Variants in POLQ observed in about 807,000 individuals in gnomAD.
POLQ encodes the protein epididymis secretory sperm binding protein.
A neutral mutation model predicts 259.2 loss-of-function variants in POLQ; 233 were observed. That is an observed-to-expected ratio of 0.90 (90% CI 0.81 to 1.00). POLQ has a LOEUF of 1.00. Among genes scored for constraint, POLQ ranks in the 50% least tolerant of loss-of-function variants. POLQ has a pLI of 0.00. For synonymous variants in POLQ, 1,025 were observed against 1,048.8 expected (o/e 0.98, Z 0.44); for missense variants, 2,871 against 3,051.6 (o/e 0.94, Z 1.39).
chr3:121,441,864 CTG>C (rs2047595259), intron 26 of POLQ, among the ~76,000 whole-genome samples: 2 of 152,282 alleles, frequency 1.3e-5, no homozygotes, highest in East Asian at 1.9e-4. Flanking sequence ...ACGTAAAAGA[CTG>C]TGTTTTTAAT....
At position 121,529,772 on chromosome 3, in the gene POLQ, A is replaced by G; in HGVS notation, c.981T>C (p.Val327=). ...CACAAATCGTCTCATAACATAAACTAACAACATGGTCCTCATCTCCCTAAA... is the reference window on the plus strand; with the variant it reads ...CACAAATCGTCTCATAACATAAACTGACAACATGGTCCTCATCTCCCTAAA... ...LQVKGDEDHV[V]SLCYETICDN... is the part of the protein sequence containing the mutation. Residue 327 remains valine (V), a synonymous_variant, in exon 7 of 30, where the codon GTT becomes GTC. Transcript: ENST00000264233. 1 of 1,611,724 alleles carries G rather than the reference A, an allele frequency of 6.2e-7. No homozygotes were observed. Among genetic ancestry groups the G allele is most frequent in the Non-Finnish European group, 8.5e-7 (1 of 1,178,834 alleles).
Position 121,493,633 on chromosome 3 carries a change from G to A in POLQ, c.2367C>T (p.Ile789=). The change falls in exon 15 of 30, where the codon ATC becomes ATT. Residue 789 remains isoleucine (I), a synonymous_variant. Coordinates refer to ENST00000264233, the MANE Select transcript of POLQ (RefSeq NM_199420.4). Reference sequence around the variant, plus strand: ...GAACCAGGTCACACAGCTCCCTCTGGATGCCAAACGTAAGACGCTTCTGAA... The same window carrying A: ...GAACCAGGTCACACAGCTCCCTCTGAATGCCAAACGTAAGACGCTTCTGAA... ...SQFQKRLTFG[I]QRELCDLVRV... is the part of the protein sequence containing the mutation. The A allele has an allele frequency of 1.2e-6, 2 of 1,614,092 alleles. No individual in the cohort carries two copies. The highest frequency in any genetic ancestry group is 1.7e-6 in the Non-Finnish European group (2 of 1,179,978).
intron 20 of POLQ, among the ~76,000 whole-genome samples, chr3:121,475,620 T>G (rs2047919020): frequency 6.6e-6 from 1 of 152,096 alleles, no homozygotes; most frequent in South Asian, 2.1e-4. Context: ...TTCTTTAGCT[T>G]AAGCATTTTT....
rs555942760 is a variant in POLQ, at chr3:121,446,906, C to T, written c.7264+2409G>A. 2.0e-5 allele frequency among the ~76,000 whole-genome samples: 3 copies of T among 152,032 alleles called. No individual in the cohort carries two copies. In the East Asian group the frequency reaches 5.8e-4, roughly 29 times the overall value. ...TTTTTCTTTTTTTAAAAAATCTATC[C>T]AGCCACTCTATGTCTTTTTATTGGA... On this transcript the variant is annotated intron_variant, in intron 26 of 29. Transcript: ENST00000264233.
intron 18 of POLQ, among the ~76,000 whole-genome samples, chr3:121,482,992 T>C (rs1451921540): frequency 6.6e-6 from 1 of 152,188 alleles, no homozygotes; most frequent in Admixed American, 6.5e-5. Flanking sequence ...CTTTTTGTCA[T>C]CTTATTCACA....
intron 12 of POLQ, among the ~76,000 whole-genome samples, chr3:121,508,708 A>G (rs2048229701): frequency 6.6e-6 from 1 of 152,214 alleles, no homozygotes; most frequent in Non-Finnish European, 1.5e-5. Flanking sequence ...TACTGTCTAG[A>G]CATTTCCCCT....
At chr3:121,469,050 G>A (rs944868750) in intron 22 of POLQ, among the ~76,000 whole-genome samples, 10 of 152,088 alleles carry the variant, frequency 6.6e-5, no homozygotes, top group African/African-American at 2.4e-4. Flanking sequence ...AGCTGGGCAT[G>A]ATGGCGGGTG....
chr3:121,544,893 A>C lies in POLQ; in HGVS notation c.177T>G (p.Pro59=). 1 of 1,591,624 alleles carries C rather than the reference A, an allele frequency of 6.3e-7. No individual in the cohort carries two copies. The highest frequency in any genetic ancestry group is 1.7e-4 in the Middle Eastern group (1 of 5,976). Residue 59 remains proline, a synonymous_variant, in exon 2 of 30, where the codon CCT becomes CCG. Coordinates refer to ENST00000264233, the MANE Select transcript of POLQ (RefSeq NM_199420.4). ...TGTCTCTTTCGTAGTCAGGAACTGTAGGCTTGCATTCTCCTTTTAGGAAAA... is the reference window on the plus strand; with the variant it reads ...TGTCTCTTTCGTAGTCAGGAACTGTCGGCTTGCATTCTCCTTTTAGGAAAA... The part of the protein sequence containing the change: ...LKAAAAGECK[P]TVPDYERDKL...
chr3:121,497,080 T>C, intron 13 of POLQ, 148 bp from the exon 14 acceptor site: 1 of 835,318 alleles, frequency 1.2e-6, no homozygotes, highest in Non-Finnish European at 1.9e-6. Flanking sequence ...ATAGGATTAC[T>C]GGACAAAGGC....
In POLQ at chr3:121,490,031, C is replaced by T. The variant is rs2108798995; in HGVS notation, c.2900G>A (p.Ser967Asn). The change falls in exon 16 of 30, where the codon AGT becomes AAT. Residue 967 changes from serine to asparagine, a missense_variant. Physicochemically the swap from Ser to Asn is conservative, Grantham distance 46 (BLOSUM62 1). Transcript: ENST00000264233. The part of the protein sequence containing the change: ...QDLNKSREHT[S>N]SFNCNFQNGN... ...ATTCTGGAAATTACAATTAAAGGAA[C>T]TTGTATGCTCTCTACTTTTATTTAA... 1 of 1,570,704 alleles carries T rather than the reference C, an allele frequency of 6.4e-7. No homozygotes were observed. Among genetic ancestry groups the T allele is most frequent in the Non-Finnish European group, 8.6e-7 (1 of 1,165,066 alleles).
chr3:121,492,262 A>T (rs558379266), intron 15 of POLQ, among the ~76,000 whole-genome samples: 1 of 152,350 alleles, frequency 6.6e-6, no homozygotes, highest in African/African-American at 2.4e-5. Context: ...ACTGGTTGTT[A>T]GTACCTGAAA....
intron 9 of POLQ, among the ~76,000 whole-genome samples, chr3:121,515,024 T>G (rs1371333037): frequency 6.6e-6 from 1 of 152,080 alleles, no homozygotes. Context: ...CTGCCCCAGG[T>G]GGAAGATGCC....
chr3:121,488,308 A>T lies in POLQ; in HGVS notation c.4623T>A (p.Asn1541Lys). ...DLIKKSNVNE[N>K]QDTHQQLTCS... ...AAGTCAACTGCTGGTGGGTATCTTG[A>T]TTCTCATTTACATTTGATTTTTTAA... The change falls in exon 16 of 30, where the codon AAT (asparagine) becomes AAA (lysine). Residue 1541 changes from asparagine (N) to lysine (K), a missense_variant. By Grantham distance (94) the Asn-to-Lys change is moderately conservative (BLOSUM62 0). Transcript: ENST00000264233. 1 of 1,612,574 alleles carries T rather than the reference A, an allele frequency of 6.2e-7. No homozygotes were observed. Among genetic ancestry groups the T allele is most frequent in the Non-Finnish European group, 8.5e-7 (1 of 1,179,416 alleles).
At chr3:121,501,931 A>C (rs2048173534) in intron 12 of POLQ, among the ~76,000 whole-genome samples, 1 of 150,126 alleles carries the variant, frequency 6.7e-6, no homozygotes, top group Non-Finnish European at 1.5e-5. Context: ...CGGAGGTTGC[A>C]GTGAGCAGAG....
chr3:121,541,887 G>A (rs2048492242), intron 2 of POLQ, among the ~76,000 whole-genome samples: 1 of 152,098 alleles, frequency 6.6e-6, no homozygotes, highest in Admixed American at 6.6e-5. Flanking sequence ...CATTTTAGGA[G>A]GCCAAGGCCG....
intron 7 of POLQ, among the ~76,000 whole-genome samples, chr3:121,526,737 A>G (rs1207901285): frequency 2.0e-5 from 3 of 152,042 alleles, no homozygotes; most frequent in African/African-American, 7.2e-5. Flanking sequence ...AAATTATCCA[A>G]CCATCTTTTG....
chr3:121,492,136 G>A (rs1176815947), intron 15 of POLQ, among the ~76,000 whole-genome samples: 1 of 151,242 alleles, frequency 6.6e-6, no homozygotes, highest in African/African-American at 2.4e-5. Flanking sequence ...TTCCCACACA[G>A]GTTAAGGTCT....
chr3:121,458,966 G>A (rs1175229034), intron 25 of POLQ, among the ~76,000 whole-genome samples: 2 of 152,162 alleles, frequency 1.3e-5, no homozygotes, highest in Non-Finnish European at 2.9e-5. Context: ...CTCAGAGTAC[G>A]GTGGTGTGCA....
chr3:121,443,197 G>C (rs1173457515), intron 26 of POLQ, among the ~76,000 whole-genome samples: 1 of 152,184 alleles, frequency 6.6e-6, no homozygotes, highest in Non-Finnish European at 1.5e-5. Context: ...CTCCACAGTA[G>C]TTGTACTAAT....
Sources: allele counts gnomAD v4.1 joint callset (sites outside exome capture counted in the v4.1 genomes callset), GRCh38; gene constraint gnomAD v4.1.1; transcripts MANE v1.5; gene names NCBI Gene and HGNC (gene_info 2026-07-23, HGNC 2026-07-21).